SLC4A4: variants seen among roughly 807,000 people sequenced by gnomAD.
SLC4A4 encodes solute carrier family 4 member 4.
Under a neutral mutation model 111.5 loss-of-function variants are expected in SLC4A4, and 27 were observed. The observed-to-expected ratio is 0.24, with a 90% CI of 0.18 to 0.33. The LOEUF (loss-of-function observed/expected upper bound fraction) is 0.33, where lower values mean the gene tolerates loss of function less well. SLC4A4 is among the 10% of genes least tolerant of loss of function. The pLI is 1.00. For missense variants in SLC4A4, 909 were observed against 1,315.5 expected (o/e 0.69, Z 4.78); for synonymous variants, 443 against 463.4 (o/e 0.96, Z 0.57).
chr4:71,371,987 A>G (rs541706949), intron 6 of SLC4A4, among the ~76,000 whole-genome samples: 2 of 152,378 alleles, frequency 1.3e-5, no homozygotes, highest in East Asian at 1.9e-4. Context: ...CTATTTCACC[A>G]TATTTCTGCA....
chr4:71,544,911 A>G, intron 18 of SLC4A4, among the ~76,000 whole-genome samples: 1 of 152,022 alleles, frequency 6.6e-6, no homozygotes, highest in East Asian at 1.9e-4. Context: ...TGTCACCAGC[A>G]TGGTACTAAG....
chr4:71,162,044 T>C (rs1340953131), intron 2 of SLC4A4, among the ~76,000 whole-genome samples: 1 of 152,216 alleles, frequency 6.6e-6, no homozygotes, highest in Non-Finnish European at 1.5e-5. Flanking sequence ...CTTATTTTCA[T>C]GCCAAGCAGT....
At chr4:71,240,066 A>AAATTGCTAATTACGTAGCAATTACGTAGT (rs1202077318) in intron 2 of SLC4A4, among the ~76,000 whole-genome samples, 3 of 152,140 alleles carry the variant, frequency 2.0e-5, no homozygotes, top group Non-Finnish European at 4.4e-5. Context: ...TAGATGGGGG[A>AAATTGCTAATTACGTAGCAATTACGTAGT]AATTGCTAAT....
At chr4:71,426,236 T>G (rs963799318) in intron 7 of SLC4A4, among the ~76,000 whole-genome samples, 1 of 152,102 alleles carries the variant, frequency 6.6e-6, no homozygotes, top group Non-Finnish European at 1.5e-5. Flanking sequence ...GAGGCATGTC[T>G]TACCCCTCTC....
chr4:71,531,711 A>G (rs1159956165), intron 16 of SLC4A4, among the ~76,000 whole-genome samples: 3 of 150,750 alleles, frequency 2.0e-5, no homozygotes, highest in Non-Finnish European at 4.4e-5. Flanking sequence ...ATGAGTTTAT[A>G]CAGTATCTCA....
At chr4:71,567,116 G>A (rs769535615) in intron 25 of SLC4A4, 33 bp downstream of exon 25, 3 of 1,530,726 alleles carry the variant, frequency 2.0e-6, no homozygotes, top group Non-Finnish European at 2.7e-6. Context: ...ATGTTTTTCT[G>A]TGGGATAATT....
intron 2 of SLC4A4, among the ~76,000 whole-genome samples, chr4:71,145,246 C>T (rs998538624): frequency 4.6e-5 from 7 of 152,154 alleles, no homozygotes; most frequent in South Asian, 2.1e-4. Flanking sequence ...TGCTGGATTA[C>T]GTTTATTGAT....
intron 3 of SLC4A4, among the ~76,000 whole-genome samples, chr4:71,279,503 T>A (rs539744268): frequency 3.3e-5 from 5 of 152,318 alleles, no homozygotes; most frequent in African/African-American, 1.2e-4. Context: ...TATATGTATG[T>A]ATTATATATT....
intron 3 of SLC4A4, among the ~76,000 whole-genome samples, chr4:71,258,899 A>G (rs1373020512): frequency 6.6e-6 from 1 of 152,168 alleles, no homozygotes; most frequent in Non-Finnish European, 1.5e-5. Context: ...CGCAAGGCAC[A>G]TTAATTTTTT....
intron 3 of SLC4A4, 91 bp downstream of exon 3, chr4:71,255,490 G>C: frequency 7.9e-7 from 1 of 1,264,548 alleles, no homozygotes; most frequent in Non-Finnish European, 1.2e-6. Flanking sequence ...CTAAAGGGGA[G>C]GGACACTGTA....
chr4:71,522,984 A>C (rs1578108329), intron 16 of SLC4A4, among the ~76,000 whole-genome samples: 1 of 152,134 alleles, frequency 6.6e-6, no homozygotes, highest in Non-Finnish European at 1.5e-5. Flanking sequence ...CCATTTTTTT[A>C]ATTGACATTT....
At chr4:71,145,182 C>T (rs926648243) in intron 2 of SLC4A4, among the ~76,000 whole-genome samples, 1 of 152,058 alleles carries the variant, frequency 6.6e-6, no homozygotes, top group Non-Finnish European at 1.5e-5. Flanking sequence ...TGTCAAAGGC[C>T]TTTTCTGCAT....
chr4:71,530,648 G>T (rs566510987), intron 16 of SLC4A4, among the ~76,000 whole-genome samples: 48 of 152,130 alleles, frequency 3.2e-4, no homozygotes, highest in South Asian at 1.2e-3. Context: ...GGAACTCCAG[G>T]CCAAAAGGAA....
intron 4 of SLC4A4, among the ~76,000 whole-genome samples, chr4:71,348,353 A>T (rs1729514780): frequency 7.1e-6 from 1 of 141,386 alleles, no homozygotes; most frequent in Non-Finnish European, 1.6e-5. Context: ...ACACACACAC[A>T]CTAGAAGTCT....
chr4:71,245,338 C>A (rs567698779), intron 2 of SLC4A4, among the ~76,000 whole-genome samples: 1 of 152,260 alleles, frequency 6.6e-6, no homozygotes, highest in East Asian at 1.9e-4. Context: ...AGAAAAGATT[C>A]CTTTGGCTGC....
chr4:71,196,438 A>G (rs1466666219), intron 1 of SLC4A4, among the ~76,000 whole-genome samples: 2 of 152,192 alleles, frequency 1.3e-5, no homozygotes, highest in African/African-American at 4.8e-5. Context: ...AAGAAATGAA[A>G]TAAAAACACC....
chr4:71,158,599 C>T (rs919861948), intron 2 of SLC4A4, among the ~76,000 whole-genome samples: 6 of 152,158 alleles, frequency 3.9e-5, no homozygotes, highest in African/African-American at 1.4e-4. Context: ...TTCCCAAGTC[C>T]CTTTAGCCTT....
intron 1 of SLC4A4, among the ~76,000 whole-genome samples, chr4:71,227,344 T>A (rs1412040628): frequency 6.6e-6 from 1 of 152,174 alleles, no homozygotes; most frequent in Non-Finnish European, 1.5e-5. Flanking sequence ...TTCCATGTAA[T>A]GAAGAAACAC....
chr4:71,142,761 CTTTTTTTTTTTTTT>C (rs34495804), intron 2 of SLC4A4, among the ~76,000 whole-genome samples: 10 of 78,040 alleles, frequency 1.3e-4, no homozygotes, highest in African/African-American at 1.9e-4. Flanking sequence ...TTTTCTCACT[CTTTTTTTTTTTTTT>C]TTTTTTTTTT....
Sources: allele counts gnomAD v4.1 joint callset (sites outside exome capture counted in the v4.1 genomes callset), GRCh38; gene constraint gnomAD v4.1.1; transcripts MANE v1.5; gene names NCBI Gene and HGNC (gene_info 2026-07-23, HGNC 2026-07-21).